Variants in ATXN1 observed in about 807,000 individuals in gnomAD.
ATXN1 encodes ataxin-1.
A neutral mutation model predicts 56.4 loss-of-function variants in ATXN1; 8 were observed. That is an observed-to-expected ratio of 0.14 (90% CI 0.08 to 0.26). ATXN1 has a LOEUF of 0.26. Ranked by LOEUF, ATXN1 falls within the 10% of genes least tolerant of loss-of-function variation. The pLI, the probability that ATXN1 is intolerant of heterozygous loss-of-function variation, is 1.00. For synonymous variants in ATXN1, 514 were observed against 494.6 expected (o/e 1.04, Z -0.52); for missense variants, 987 against 1,106.5 (o/e 0.89, Z 1.53).
At chr6:16,679,909 A>C (rs1278607830) in intron 2 of ATXN1, among the ~76,000 whole-genome samples, 2 of 152,216 alleles carry the variant, frequency 1.3e-5, no homozygotes, top group Admixed American at 6.5e-5. Context: ...AGGATCTCCT[A>C]TTGAGTTCAT....
At chr6:16,613,822 C>T (rs183456678) in intron 3 of ATXN1, among the ~76,000 whole-genome samples, 2 of 152,008 alleles carry the variant, frequency 1.3e-5, no homozygotes, top group Non-Finnish European at 2.9e-5. Context: ...GAGCAAGACC[C>T]TGTCTTGATA....
chr6:16,607,221 G>A (rs1037558505), intron 3 of ATXN1, among the ~76,000 whole-genome samples: 5 of 152,296 alleles, frequency 3.3e-5, no homozygotes, highest in Admixed American at 3.3e-4. Context: ...CTAGTCCTTT[G>A]TGGCCTTGGG....
At chr6:16,561,403 C>T (rs373830125) in intron 4 of ATXN1, among the ~76,000 whole-genome samples, 26 of 152,296 alleles carry the variant, frequency 1.7e-4, no homozygotes, top group Non-Finnish European at 1.3e-4. Flanking sequence ...TCCACAGATA[C>T]ATTTTGCTAA....
chr6:16,389,739 G>A (rs1343323530), intron 6 of ATXN1, among the ~76,000 whole-genome samples: 1 of 152,228 alleles, frequency 6.6e-6, no homozygotes, highest in Non-Finnish European at 1.5e-5. Flanking sequence ...ACATTCAGGT[G>A]TACCCTGACT....
chr6:16,576,640 A>G (rs1402173177), intron 4 of ATXN1, among the ~76,000 whole-genome samples: 1 of 152,234 alleles, frequency 6.6e-6, no homozygotes, highest in African/African-American at 2.4e-5. Flanking sequence ...TCACTGTTTC[A>G]TATCACCTTT....
chr6:16,660,030 T>C (rs982094985), intron 2 of ATXN1, among the ~76,000 whole-genome samples: 3 of 152,262 alleles, frequency 2.0e-5, no homozygotes, highest in Admixed American at 1.3e-4. Context: ...TGATTCATTC[T>C]GTGATTTATC....
chr6:16,516,525 T>C (rs556552701), intron 5 of ATXN1, among the ~76,000 whole-genome samples: 1 of 152,180 alleles, frequency 6.6e-6, no homozygotes, highest in Non-Finnish European at 1.5e-5. Context: ...GATAAAAAGA[T>C]CAAAGCAGAC....
chr6:16,442,717 A>C (rs1250059015), intron 6 of ATXN1, among the ~76,000 whole-genome samples: 2 of 152,154 alleles, frequency 1.3e-5, no homozygotes, highest in Non-Finnish European at 2.9e-5. Flanking sequence ...TATTCTAAAC[A>C]TTTTTACTGG....
intron 6 of ATXN1, among the ~76,000 whole-genome samples, chr6:16,373,716 C>T (rs566702721): frequency 2.0e-5 from 3 of 152,330 alleles, no homozygotes; most frequent in East Asian, 1.9e-4. Flanking sequence ...CTCATTTTCT[C>T]TTGCCTGCTG....
At chr6:16,643,196 T>C (rs10807595) in intron 3 of ATXN1, among the ~76,000 whole-genome samples, 57,665 of 149,568 alleles carry the variant, frequency 0.39, 11,590 homozygotes, top group African/African-American at 0.5. Flanking sequence ...GAGCTTGCAG[T>C]GAGCAGAGAT....
At chr6:16,394,288 T>C (rs1758411883) in intron 6 of ATXN1, among the ~76,000 whole-genome samples, 1 of 152,170 alleles carries the variant, frequency 6.6e-6, no homozygotes, top group African/African-American at 2.4e-5. Flanking sequence ...AAAATTTCAA[T>C]CTTTTGTTCT....
chr6:16,574,853 T>G (rs1762395139), intron 4 of ATXN1, among the ~76,000 whole-genome samples: 1 of 151,276 alleles, frequency 6.6e-6, no homozygotes, highest in South Asian at 2.1e-4. Context: ...TTCAGGATCA[T>G]ACTTAGAATT....
intron 2 of ATXN1, among the ~76,000 whole-genome samples, chr6:16,741,826 G>A (rs553694824): frequency 2.0e-5 from 3 of 152,294 alleles, no homozygotes; most frequent in African/African-American, 7.2e-5. Flanking sequence ...CAGCTCGCTG[G>A]GAGGAAAATT....
intron 6 of ATXN1, among the ~76,000 whole-genome samples, chr6:16,330,928 A>T (rs1426541881): frequency 3.9e-5 from 6 of 152,136 alleles, no homozygotes; most frequent in Admixed American, 6.6e-5. Flanking sequence ...AAATAAGGTT[A>T]AAAAAACCCT....
At chr6:16,729,847 G>A (rs888263501) in intron 2 of ATXN1, among the ~76,000 whole-genome samples, 9 of 152,288 alleles carry the variant, frequency 5.9e-5, no homozygotes, top group Middle Eastern at 3.4e-3. Flanking sequence ...CATCAGTCAC[G>A]TAGGGTACTT....
At chr6:16,370,907 A>C (rs1039896582) in intron 6 of ATXN1, among the ~76,000 whole-genome samples, 6 of 152,232 alleles carry the variant, frequency 3.9e-5, no homozygotes, top group Admixed American at 3.3e-4. Flanking sequence ...ACATAAATTA[A>C]TGGAGCTAAA....
At chr6:16,520,201 AG>A (rs1761260039) in intron 5 of ATXN1, among the ~76,000 whole-genome samples, 1 of 152,168 alleles carries the variant, frequency 6.6e-6, no homozygotes, top group Non-Finnish European at 1.5e-5. Flanking sequence ...CCCAAGACCC[AG>A]CCCCATTGCA....
At chr6:16,696,830 G>C (rs1243274818) in intron 2 of ATXN1, among the ~76,000 whole-genome samples, 1 of 152,156 alleles carries the variant, frequency 6.6e-6, no homozygotes, top group Admixed American at 6.5e-5. Flanking sequence ...TAGTGGAAAA[G>C]GTTTTCTCCC....
intron 3 of ATXN1, among the ~76,000 whole-genome samples, chr6:16,587,060 A>G (rs1393721121): frequency 6.6e-6 from 1 of 151,444 alleles, no homozygotes; most frequent in Non-Finnish European, 1.5e-5. Context: ...CATTTTTCCC[A>G]GAGGGTTATG....
Sources: gnomAD v4.1 joint callset for allele counts (sites outside exome capture counted in the v4.1 genomes callset) on GRCh38, gnomAD v4.1.1 for gene constraint, MANE v1.5 for transcripts, NCBI Gene and HGNC (gene_info 2026-07-23, HGNC 2026-07-21) for gene names.